Variants in CDK19 observed in about 807,000 individuals in gnomAD.
CDK19 encodes cyclin-dependent kinase 19.
CDK19 carries 20 observed loss-of-function variants against 68.3 expected under a neutral mutation model. The observed-to-expected ratio is 0.29, with a 90% confidence interval of 0.21 to 0.43. The LOEUF (loss-of-function observed/expected upper bound fraction) is 0.43, where lower values mean the gene tolerates loss of function less well. Ranked by LOEUF, CDK19 falls within the 20% of genes least tolerant of loss-of-function variation. The pLI, the probability that CDK19 is intolerant of heterozygous loss-of-function variation, is 1.00. For synonymous variants in CDK19, 221 were observed against 222.8 expected (o/e 0.99, Z 0.07); for missense variants, 339 against 623.5 (o/e 0.54, Z 4.86).
intron 2 of CDK19, among the ~76,000 whole-genome samples, chr6:110,713,423 C>A (rs1210127532): frequency 7.7e-6 from 1 of 129,226 alleles, no homozygotes; most frequent in Non-Finnish European, 1.6e-5. Context: ...CAGAGAGAGA[C>A]TCTGTCTCAA....
At chr6:110,756,599 C>T (rs932481113) in intron 1 of CDK19, among the ~76,000 whole-genome samples, 25 of 151,140 alleles carry the variant, frequency 1.7e-4, no homozygotes, top group Admixed American at 5.3e-4. Flanking sequence ...TATTTAGGTA[C>T]ATTGTAGGCA....
chr6:110,739,697 C>A (rs977890474), intron 2 of CDK19, among the ~76,000 whole-genome samples: 1 of 151,328 alleles, frequency 6.6e-6, no homozygotes, highest in Admixed American at 6.6e-5. Flanking sequence ...GTGGTGCAAT[C>A]GTAACTCACT....
chr6:110,667,929 T>G (rs1350932493), intron 3 of CDK19, among the ~76,000 whole-genome samples: 2 of 152,212 alleles, frequency 1.3e-5, no homozygotes, highest in African/African-American at 4.8e-5. Flanking sequence ...CTGTAAATCT[T>G]CACTTTCTAT....
At chr6:110,767,670 T>C (rs1029726985) in intron 1 of CDK19, among the ~76,000 whole-genome samples, 1 of 151,860 alleles carries the variant, frequency 6.6e-6, no homozygotes, top group African/African-American at 2.4e-5. Context: ...AGAGAGAATT[T>C]TGAATGTTCC....
chr6:110,674,998 A>AT (rs1771369929), intron 2 of CDK19, among the ~76,000 whole-genome samples: 1 of 152,146 alleles, frequency 6.6e-6, no homozygotes. Context: ...GCAGAAGAAA[A>AT]GGCTGAAGCT....
intron 4 of CDK19, among the ~76,000 whole-genome samples, chr6:110,662,959 G>A (rs563392792): frequency 2.6e-5 from 4 of 152,018 alleles, no homozygotes; most frequent in Admixed American, 2.0e-4. Flanking sequence ...TCTAGGATTC[G>A]AATGACATAA....
At chr6:110,800,438 T>C (rs1189992054) in intron 1 of CDK19, among the ~76,000 whole-genome samples, 1 of 152,154 alleles carries the variant, frequency 6.6e-6, no homozygotes, top group Non-Finnish European at 1.5e-5. Flanking sequence ...GGAGGATTCC[T>C]CCCTAATTTA....
chr6:110,621,254 T>A lies in CDK19; in HGVS notation c.1227A>T (p.Ala409=). The A allele has an allele frequency of 6.2e-7, 1 of 1,613,196 alleles. No individual in the cohort carries two copies. Among genetic ancestry groups the A allele is most frequent in the Non-Finnish European group, 8.5e-7 (1 of 1,179,908 alleles). Residue 409 remains alanine (A), a synonymous_variant, in exon 12 of 13, where the codon GCA becomes GCT. Transcript: ENST00000368911. The surrounding 1 kb of genome is among the most constrained non-coding windows in gnomAD (Gnocchi z 5.4). ...QQNSTQTNGT[A]GGAGAGVGGT... Reference sequence around the variant, plus strand: ...CCCCGACCCCGGCCCCAGCCCCACCTGCGGTCCCGTTGGTCTGGGTGCTGT... The same window carrying A: ...CCCCGACCCCGGCCCCAGCCCCACCAGCGGTCCCGTTGGTCTGGGTGCTGT...
intron 4 of CDK19, among the ~76,000 whole-genome samples, chr6:110,648,749 G>A (rs1562158610): frequency 6.6e-6 from 1 of 151,728 alleles, no homozygotes; most frequent in Admixed American, 6.6e-5. Context: ...ATGGAGTCTT[G>A]CTCTGTCGCC....
At chr6:110,753,539 C>G (rs943303730) in intron 1 of CDK19, among the ~76,000 whole-genome samples, 2 of 145,124 alleles carry the variant, frequency 1.4e-5, no homozygotes, top group Admixed American at 6.8e-5. Context: ...TGCACCACCA[C>G]ACCTGGATTT....
Position 110,612,723 on chromosome 6 carries a change from AG to A in CDK19, c.*1811del, listed in dbSNP as rs1287924258. The A allele has an allele frequency of 6.6e-6, 1 of 152,512 alleles. No homozygotes were observed. Among genetic ancestry groups the A allele is most frequent in the African/African-American group, 2.4e-5 (1 of 41,448 alleles). 9.4% of individuals were successfully genotyped at this position (152,512 alleles called of 1,614,324 possible). On this transcript the variant is annotated 3_prime_UTR_variant, in exon 13 of 13. Coordinates refer to ENST00000368911, the MANE Select transcript of CDK19 (RefSeq NM_015076.5). The stretch of plus-strand genomic sequence containing the variant: ...CTAATTTCTTATTTTAAAAAATGGA[AG>A]GGGTAAAACAGCAGGAGACTATCAG...
intron 8 of CDK19, among the ~76,000 whole-genome samples, chr6:110,623,793 T>TAC (rs1236840476): frequency 1.4e-5 from 2 of 147,302 alleles, no homozygotes; most frequent in Non-Finnish European, 3.0e-5. Flanking sequence ...TACACATATA[T>TAC]ACACACACAT....
intron 1 of CDK19, among the ~76,000 whole-genome samples, chr6:110,804,234 A>G (rs1782522528): frequency 6.6e-6 from 1 of 152,186 alleles, no homozygotes; most frequent in African/African-American, 2.4e-5. Flanking sequence ...ACAAACCCTC[A>G]CTGAAAAAAA....
At chr6:110,750,800 G>A (rs191163424) in intron 1 of CDK19, among the ~76,000 whole-genome samples, 153 of 152,224 alleles carry the variant, frequency 1.0e-3, no homozygotes, top group Non-Finnish European at 1.6e-3. Context: ...AAGAACTGGA[G>A]GGAGGGAGGA....
In CDK19 at chr6:110,729,603, A is replaced by ATTTT. The variant is rs35087722; in HGVS notation, c.204+16519_204+16522dup. On this transcript the variant is annotated intron_variant, in intron 2 of 12. Coordinates refer to ENST00000368911, the MANE Select transcript of CDK19 (RefSeq NM_015076.5). ...GCCACCAGGCCCAGCTAATTTTTGTATTTTTTTTTTTTTTTTTTTAGTAGA... is the reference window on the plus strand; with the variant it reads ...GCCACCAGGCCCAGCTAATTTTTGTATTTTTTTTTTTTTTTTTTTTTTTAGTAGA... Among the ~76,000 whole-genome samples the ATTTT allele has an allele frequency of 2.1e-3, 281 of 134,216 alleles. 3 individuals carry two copies. The highest frequency in any genetic ancestry group is 3.0e-3 in the African/African-American group (109 of 36,256). The allele number at this position is 134,216 out of a possible 152,430, so 88.1% of individuals were successfully genotyped here. A position where few individuals can be genotyped will look rare whatever the true frequency, so the allele number is the denominator to read the frequency against.
intron 5 of CDK19, among the ~76,000 whole-genome samples, chr6:110,635,120 G>C (rs1779677463): frequency 6.6e-6 from 1 of 152,188 alleles, no homozygotes; most frequent in East Asian, 1.9e-4. Context: ...ATTCTGGTGT[G>C]AGTGCTAATT....
intron 2 of CDK19, among the ~76,000 whole-genome samples, chr6:110,714,448 T>C (rs1775206585): frequency 6.6e-6 from 1 of 152,236 alleles, no homozygotes; most frequent in Non-Finnish European, 1.5e-5. Flanking sequence ...AACTCCTGGG[T>C]CATATGGTAA....
At chr6:110,748,425 A>G (rs1393201266) in intron 1 of CDK19, among the ~76,000 whole-genome samples, 1 of 152,242 alleles carries the variant, frequency 6.6e-6, no homozygotes, top group Non-Finnish European at 1.5e-5. Context: ...AAGTTTAAAT[A>G]TAACTTCCAC....
intron 4 of CDK19, among the ~76,000 whole-genome samples, chr6:110,660,671 C>A (rs1216596026): frequency 6.6e-6 from 1 of 152,202 alleles, no homozygotes; most frequent in Non-Finnish European, 1.5e-5. Context: ...CAACTAGACT[C>A]TTCTCCAAAG....
Sources: allele counts gnomAD v4.1 joint callset (sites outside exome capture counted in the v4.1 genomes callset), GRCh38; gene constraint gnomAD v4.1.1; non-coding constraint Gnocchi (gnomAD v3.1); transcripts MANE v1.5; gene names NCBI Gene and HGNC (gene_info 2026-07-23, HGNC 2026-07-21).